Variants in CDC25A observed in about 807,000 individuals in gnomAD.
CDC25A encodes the protein M-phase inducer phosphatase 1.
In CDC25A, 17 loss-of-function variants were observed where a neutral mutation model predicts 64.6. That is an observed-to-expected ratio of 0.26 (90% CI 0.18 to 0.39). CDC25A has a LOEUF of 0.39. Ranked by LOEUF, CDC25A falls within the 10% of genes least tolerant of loss-of-function variation. The pLI is 1.00. For synonymous variants in CDC25A, 229 were observed against 238.6 expected (o/e 0.96, Z 0.37); for missense variants, 473 against 654.8 (o/e 0.72, Z 3.03).
intron 5 of CDC25A, chr3:48,181,760 A>C: frequency 1.4e-6 from 1 of 701,894 alleles, no homozygotes; most frequent in African/African-American, 1.8e-5. Flanking sequence ...TCACATTTTA[A>C]AGTTCTGAGA....
Position 48,188,074 on chromosome 3 carries a change from C to A in CDC25A, c.-127G>T. ...CCGCGGGTCAAACACAAACACGACT[C>A]CGCGGTTCAGGGACGCGGCTGCCGC... On this transcript the variant is annotated 5_prime_UTR_variant, in exon 1 of 15. Coordinates refer to ENST00000302506, the MANE Select transcript of CDC25A (RefSeq NM_001789.3). The A allele has an allele frequency of 1.3e-6, 1 of 769,082 alleles. No individual in the cohort carries two copies. The highest frequency in any genetic ancestry group is 5.0e-5 in the South Asian group (1 of 20,178). 47.6% of individuals were successfully genotyped at this position (769,082 alleles called of 1,614,324 possible). A position where few individuals can be genotyped will look rare whatever the true frequency, so the allele number is the denominator to read the frequency against.
rs1266038515 is a variant in CDC25A, at chr3:48,188,037, C to T, written c.-90G>A. 1.8e-6 allele frequency: 2 copies of T among 1,085,548 alleles called. No homozygotes were observed. Among genetic ancestry groups the T allele is most frequent in the Non-Finnish European group, 2.4e-6 (2 of 848,876 alleles). The allele number at this position is 1,085,548 out of a possible 1,614,324, so 67.2% of individuals were successfully genotyped here. The stretch of plus-strand genomic sequence containing the variant: ...CCCGCCGACACCGGCCTCGGCCGCG[C>T]GCCACCGGCGCCCGCGGGTCAAACA... On this transcript the variant is annotated 5_prime_UTR_variant, in exon 1 of 15. Coordinates refer to ENST00000302506, the MANE Select transcript of CDC25A (RefSeq NM_001789.3).
At chr3:48,187,247 G>A (rs1295290955) in intron 1 of CDC25A, among the ~76,000 whole-genome samples, 1 of 152,226 alleles carries the variant, frequency 6.6e-6, no homozygotes, top group Non-Finnish European at 1.5e-5. Flanking sequence ...CTTTCTGAAA[G>A]TTGGGTAAAA....
At chr3:48,177,488 A>C (rs1342566115) in intron 7 of CDC25A, 46 bp from the exon 8 acceptor site, 1 of 1,452,282 alleles carries the variant, frequency 6.9e-7, no homozygotes, top group African/African-American at 1.4e-5. Flanking sequence ...TGTAGAGACT[A>C]ACATTTGTTT....
intron 9 of CDC25A, among the ~76,000 whole-genome samples, chr3:48,172,937 G>C (rs1351888412): frequency 6.6e-6 from 1 of 151,982 alleles, no homozygotes; most frequent in Non-Finnish European, 1.5e-5. Context: ...TAGACAGACA[G>C]GGCTGGGCGC....
intron 9 of CDC25A, among the ~76,000 whole-genome samples, chr3:48,170,220 T>G (rs1227123936): frequency 6.6e-6 from 1 of 152,168 alleles, no homozygotes; most frequent in Non-Finnish European, 1.5e-5. Context: ...GGAAAATAGC[T>G]GGGTGCCGTC....
chr3:48,166,198 G>C (rs543726561), intron 10 of CDC25A, among the ~76,000 whole-genome samples: 1 of 142,640 alleles, frequency 7.0e-6, no homozygotes, highest in Non-Finnish European at 1.6e-5. Context: ...TGGGAAAATC[G>C]CTTGAATCCA....
chr3:48,182,912 A>G lies in CDC25A; in HGVS notation c.429+17T>C. On this transcript the variant is annotated intron_variant, in intron 5 of 14. Transcript: ENST00000302506. ...TTTCACCTCTGCCTCAGGTTAGTAC[A>G]TTGAAGTCACACTCACATTTTCCTT... 1.3e-6 allele frequency: 2 copies of G among 1,535,730 alleles called. No individual in the cohort carries two copies. The highest frequency in any genetic ancestry group is 1.8e-6 in the Non-Finnish European group (2 of 1,108,520).
chr3:48,185,160 C>G (rs2032803689), intron 2 of CDC25A, among the ~76,000 whole-genome samples: 1 of 152,076 alleles, frequency 6.6e-6, no homozygotes, highest in South Asian at 2.1e-4. Context: ...ACCTGTGATT[C>G]CAATACTTTG....
chr3:48,177,699 C>A (rs1040191507), intron 7 of CDC25A, among the ~76,000 whole-genome samples, 155 bp downstream of exon 7: 3 of 152,102 alleles, frequency 2.0e-5, no homozygotes, highest in African/African-American at 4.8e-5. Flanking sequence ...AGGCTGGTAG[C>A]CCTATTATTA....
In CDC25A at chr3:48,186,830, G is replaced by T. The variant is rs754034032; in HGVS notation, c.171-51C>A. 2.4e-6 allele frequency: 3 copies of T among 1,243,824 alleles called. No individual in the cohort carries two copies. The Admixed American group carries it at 5.9e-5, about 24-fold the overall frequency. 77.0% of individuals were successfully genotyped at this position (1,243,824 alleles called of 1,614,324 possible). ...AATGATTTATAGGATATAATTAAAA[G>T]GTCACATGCAGGAGATAGGCCATGA... On this transcript the variant is annotated intron_variant, in intron 1 of 14. Transcript: ENST00000302506.
intron 13 of CDC25A, among the ~76,000 whole-genome samples, chr3:48,163,582 C>T (rs1417465203): frequency 6.6e-6 from 1 of 150,670 alleles, no homozygotes; most frequent in Non-Finnish European, 1.5e-5. Flanking sequence ...CCAGCCTGGG[C>T]AACAAGAGCA....
chr3:48,164,514 A>G, intron 12 of CDC25A, 77 bp from the exon 13 acceptor site: 2 of 1,313,038 alleles, frequency 1.5e-6, no homozygotes. Flanking sequence ...GTAATGATTC[A>G]TCAAGAGTGA....
rs747832127 is a variant in CDC25A, at chr3:48,174,256, AG to A, written c.930+27del. The A allele has an allele frequency of 1.3e-5, 20 of 1,584,748 alleles. No individual in the cohort carries two copies. The African/African-American group carries it at 2.7e-4, about 22-fold the overall frequency. ...AACTGAAAAATACAGTATCTGTGCT[AG>A]AGCAAAAAGGAACCTAGGAAACTAA... On this transcript the variant is annotated intron_variant, in intron 9 of 14. Transcript: ENST00000302506.
At chr3:48,186,569 C>CAAAAA (rs750148404) in intron 2 of CDC25A, 134 bp downstream of exon 2, 5 of 383,680 alleles carry the variant, frequency 1.3e-5, no homozygotes, top group South Asian at 2.5e-5. Flanking sequence ...AACTCTGTCT[C>CAAAAA]AAAAAAAAAA....
chr3:48,180,509 A>G, intron 6 of CDC25A: 2 of 481,632 alleles, frequency 4.2e-6, no homozygotes, highest in Middle Eastern at 5.4e-4. Flanking sequence ...CACAACTCCA[A>G]TATTTCAAAC....
At chr3:48,176,958 C>T (rs1309387972) in intron 8 of CDC25A, among the ~76,000 whole-genome samples, 2 of 150,180 alleles carry the variant, frequency 1.3e-5, no homozygotes, top group African/African-American at 2.5e-5. Flanking sequence ...GCAACAAGAG[C>T]GAGACTCCGT....
chr3:48,187,648 C>T, intron 1 of CDC25A, 130 bp downstream of exon 1: 1 of 916,616 alleles, frequency 1.1e-6, no homozygotes, highest in Non-Finnish European at 1.6e-6. Context: ...GGCCCTAGCC[C>T]GGCTGTCCCC....
chr3:48,173,994 T>C (rs1239319282), intron 9 of CDC25A, among the ~76,000 whole-genome samples: 1 of 152,046 alleles, frequency 6.6e-6, no homozygotes, highest in Non-Finnish European at 1.5e-5. Context: ...AAAACCAACA[T>C]GAAAACAGCC....
Sources: gnomAD v4.1 joint callset for allele counts (sites outside exome capture counted in the v4.1 genomes callset) on GRCh38, gnomAD v4.1.1 for gene constraint, MANE v1.5 for transcripts, NCBI Gene and HGNC (gene_info 2026-07-23, HGNC 2026-07-21) for gene names.